PHC2: variants seen among roughly 807,000 people sequenced by gnomAD.
The protein encoded by PHC2 is polyhomeotic homolog 2.
PHC2 carries 29 observed loss-of-function variants against 87.4 expected under a neutral mutation model. The ratio of observed to expected loss-of-function variants is 0.33; its 90% confidence interval spans 0.25 to 0.45. The LOEUF (loss-of-function observed/expected upper bound fraction) is 0.45. PHC2 is among the 20% of genes least tolerant of loss of function. PHC2 has a pLI of 1.00. For synonymous variants in PHC2, 438 were observed against 461.7 expected (o/e 0.95, Z 0.66); for missense variants, 857 against 1,136.7 (o/e 0.75, Z 3.54).
intron 9 of PHC2, among the ~76,000 whole-genome samples, chr1:33,338,646 T>C (rs1646686947): frequency 6.6e-6 from 1 of 152,244 alleles, no homozygotes; most frequent in Non-Finnish European, 1.5e-5. Context: ...ACAGTGAAAC[T>C]TGCAGAAACC....
Position 33,370,413 on chromosome 1 carries a change from G to A in PHC2, c.576+8C>T, listed in dbSNP as rs1288552981. 1 of 1,611,364 alleles carries A rather than the reference G, an allele frequency of 6.2e-7. No individual in the cohort carries two copies. Among genetic ancestry groups the A allele is most frequent in the Non-Finnish European group, 8.5e-7 (1 of 1,178,000 alleles). ...CTCTGAGCCATGGCCCTGGCCATGG[G>A]TACTCACCATCTGTGCCCTCAGATA... is the stretch of plus-strand genomic sequence containing the variant. On this transcript the variant is annotated splice_region_variant and intron_variant, in intron 5 of 14. Coordinates refer to ENST00000683057, the MANE Select transcript of PHC2 (RefSeq NM_001385109.1).
chr1:33,354,763 C>G, intron 8 of PHC2, 75 bp downstream of exon 8: 1 of 1,514,672 alleles, frequency 6.6e-7, no homozygotes, highest in Admixed American at 1.8e-5. Flanking sequence ...AGAAGCACCT[C>G]TTGACGGGGC....
Position 33,382,830 on chromosome 1 carries a change from C to T in PHC2, c.-54-7237G>A, listed in dbSNP as rs1350008273. On this transcript the variant is annotated intron_variant, in intron 1 of 14. Transcript: ENST00000683057. This position sits in a 1 kb window ranked among gnomAD's most constrained non-coding sequence, Gnocchi z 4.3. ...CCTTTGTCCCCAGTGTCAGGGAAATCCATTTGCTGTGGATTACAGCTGTGA... is the reference window on the plus strand; with the variant it reads ...CCTTTGTCCCCAGTGTCAGGGAAATTCATTTGCTGTGGATTACAGCTGTGA... Among the ~76,000 whole-genome samples, 1 of 152,168 alleles carries T rather than the reference C, an allele frequency of 6.6e-6. No individual in the cohort carries two copies. Among genetic ancestry groups the T allele is most frequent in the Admixed American group, 6.5e-5 (1 of 15,278 alleles).
intron 1 of PHC2, among the ~76,000 whole-genome samples, chr1:33,419,099 T>C (rs1455267366): frequency 3.3e-5 from 5 of 152,238 alleles, no homozygotes; most frequent in Non-Finnish European, 7.3e-5. Context: ...TGGGAGTTGC[T>C]ATGAAGAATA....
In PHC2 at chr1:33,352,818, G is replaced by A. The variant is rs533787689; in HGVS notation, c.1558+1583C>T. 9.8e-5 allele frequency among the ~76,000 whole-genome samples: 15 copies of A among 152,308 alleles called. No individual in the cohort carries two copies. The East Asian group carries it at 2.9e-3, about 29-fold the overall frequency. ...GAAGGTGAGCGAGTGACTACCGTAG[G>A]AGTCAGAGTCATGGCGCTGCCCTTT... On this transcript the variant is annotated intron_variant, in intron 9 of 14. Transcript: ENST00000683057.
chr1:33,329,683 C>T (rs926597173), intron 13 of PHC2, among the ~76,000 whole-genome samples: 7 of 152,112 alleles, frequency 4.6e-5, no homozygotes, highest in East Asian at 1.9e-4. Context: ...TCTGTGCTCG[C>T]GTGTTCAGGG....
intron 1 of PHC2, among the ~76,000 whole-genome samples, chr1:33,429,874 TCA>T (rs1650828325): frequency 6.6e-6 from 1 of 152,238 alleles, no homozygotes. Context: ...GACTTTAGAC[TCA>T]CAAAAGAAAC....
chr1:33,337,760 G>A (rs967223824), intron 9 of PHC2, among the ~76,000 whole-genome samples: 2 of 152,140 alleles, frequency 1.3e-5, no homozygotes, highest in Non-Finnish European at 2.9e-5. Context: ...CTACAAATTC[G>A]TAATCATCCT....
intron 7 of PHC2, among the ~76,000 whole-genome samples, chr1:33,360,243 AG>A (rs541192242): frequency 8.5e-5 from 13 of 152,370 alleles, no homozygotes; most frequent in Admixed American, 3.3e-4. Flanking sequence ...TTATGCTTGA[AG>A]GTTCTTAGGC....
intron 9 of PHC2, among the ~76,000 whole-genome samples, chr1:33,341,107 G>C (rs971816672): frequency 6.6e-6 from 1 of 152,222 alleles, no homozygotes; most frequent in African/African-American, 2.4e-5. Flanking sequence ...ATCCCATCCT[G>C]TAATGCTGGG....
intron 3 of PHC2, 124 bp from the exon 4 acceptor site, chr1:33,371,218 C>T (rs951631701): frequency 6.5e-5 from 49 of 748,734 alleles, no homozygotes; most frequent in African/African-American, 6.3e-4. Flanking sequence ...AGGTCAGCCC[C>T]CAACCTGCCT....
chr1:33,331,533 G>C lies in PHC2; in HGVS notation c.1892-71C>G. Reference sequence around the variant, plus strand: ...CAGGACTGTGGCCAGCCCCACCACGGGGCCTCCCTACTCCATCCTGCCTGG... The same window carrying C: ...CAGGACTGTGGCCAGCCCCACCACGCGGCCTCCCTACTCCATCCTGCCTGG... On this transcript the variant is annotated intron_variant, in intron 11 of 14. Transcript: ENST00000683057. The surrounding 1 kb of genome is among the most constrained non-coding windows in gnomAD (Gnocchi z 5.2). 1 of 853,380 alleles carries C rather than the reference G, an allele frequency of 1.2e-6. No individual in the cohort carries two copies. Among genetic ancestry groups the C allele is most frequent in the East Asian group, 2.4e-5 (1 of 40,820 alleles). 52.9% of individuals were successfully genotyped at this position (853,380 alleles called of 1,614,324 possible). A position where few individuals can be genotyped will look rare whatever the true frequency, so the allele number is the denominator to read the frequency against.
At chr1:33,404,872 C>T (rs1200583967) in intron 1 of PHC2, among the ~76,000 whole-genome samples, 2 of 152,178 alleles carry the variant, frequency 1.3e-5, no homozygotes, top group Non-Finnish European at 2.9e-5. Flanking sequence ...ATATTTAAAT[C>T]TGAGACAAGG....
intron 1 of PHC2, among the ~76,000 whole-genome samples, chr1:33,422,680 T>G (rs1650478324): frequency 6.6e-6 from 1 of 152,204 alleles, no homozygotes; most frequent in Admixed American, 6.5e-5. Flanking sequence ...TGTCACCATC[T>G]TATGTGAAGT....
In PHC2 at chr1:33,364,920, T is replaced by A. The variant is rs1647360553; in HGVS notation, c.976+2196A>T. 1.3e-5 allele frequency among the ~76,000 whole-genome samples: 2 copies of A among 152,192 alleles called. No homozygotes were observed. Among genetic ancestry groups the A allele is most frequent in the African/African-American group, 4.8e-5 (2 of 41,430 alleles). ...TCACCTGCTGGTGTTTACCTTTACA[T>A]GGGGTCTCCACCAGACTCTGCAAAC... On this transcript the variant is annotated intron_variant, in intron 7 of 14. Transcript: ENST00000683057. The surrounding 1 kb of genome is among the most constrained non-coding windows in gnomAD (Gnocchi z 4.1).
At chr1:33,329,272 C>T in intron 13 of PHC2, 126 bp from the exon 14 acceptor site, 2 of 885,430 alleles carry the variant, frequency 2.3e-6, no homozygotes, top group East Asian at 2.6e-5. Flanking sequence ...CCAGATCTAA[C>T]AGCATCTTCC....
intron 9 of PHC2, among the ~76,000 whole-genome samples, chr1:33,342,914 G>C (rs1020639827): frequency 6.6e-6 from 1 of 152,184 alleles, no homozygotes; most frequent in Non-Finnish European, 1.5e-5. Context: ...GAGATAAAAG[G>C]AAGAATGGCA....
intron 7 of PHC2, among the ~76,000 whole-genome samples, chr1:33,366,345 T>A (rs114142009): frequency 5.9e-5 from 9 of 152,332 alleles, no homozygotes; most frequent in Non-Finnish European, 1.3e-4. Flanking sequence ...CTTGGCAGAT[T>A]TTCCCATTAA....
intron 9 of PHC2, among the ~76,000 whole-genome samples, chr1:33,340,257 CA>C (rs1646718177): frequency 6.6e-6 from 1 of 152,174 alleles, no homozygotes; most frequent in Non-Finnish European, 1.5e-5. Context: ...TTTCTTACAA[CA>C]AATTCTGCTC....
Sources: allele counts gnomAD v4.1 joint callset (sites outside exome capture counted in the v4.1 genomes callset), GRCh38; gene constraint gnomAD v4.1.1; non-coding constraint Gnocchi (gnomAD v3.1); transcripts MANE v1.5; gene names NCBI Gene and HGNC (gene_info 2026-07-23, HGNC 2026-07-21).